The following KIF22 variants were observed in gnomAD, a reference collection of about 807,000 sequenced individuals.
KIF22 encodes kinesin-like protein KIF22.
KIF22 carries 62 observed loss-of-function variants against 73.0 expected under a neutral mutation model. That is an observed-to-expected ratio of 0.85 (90% CI 0.69 to 1.05). The LOEUF (loss-of-function observed/expected upper bound fraction) is 1.05. KIF22 is among the 50% of genes least tolerant of loss of function. The pLI is 0.00. For synonymous variants in KIF22, 411 were observed against 340.1 expected, an observed-to-expected ratio of 1.21 and a Z score of -2.29; for missense variants, 854 against 870.1, an observed-to-expected ratio of 0.98 and a Z score of 0.23.
In KIF22 at chr16:29,798,805, C is replaced by A; in HGVS notation, c.549+58C>A. ...CAAAGGGTCAAAGTAAGACCTGGTT[C>A]TAGAACATGAAGCTCTGCTGTAGCA... On this transcript the variant is annotated intron_variant, in intron 4 of 13. Coordinates refer to ENST00000160827, the MANE Select transcript of KIF22 (RefSeq NM_007317.3). This position sits in a 1 kb window ranked among gnomAD's most constrained non-coding sequence, Gnocchi z 4.1. The A allele has an allele frequency of 6.3e-7, 1 of 1,588,482 alleles. No homozygotes were observed. Among genetic ancestry groups the A allele is most frequent in the East Asian group, 2.2e-5 (1 of 44,666 alleles).
chr16:29,799,214 G>A (rs1899039459), intron 5 of KIF22, 30 bp downstream of exon 5: 1 of 1,610,694 alleles, frequency 6.2e-7, no homozygotes, highest in Non-Finnish European at 8.5e-7. Flanking sequence ...CGAGGACCTG[G>A]GAAGCCCAGG....
chr16:29,803,430 C>T lies in KIF22; in HGVS notation c.1450-19C>T. ...CTGGAGTTGGGTCTGGATCACATCT[C>T]CCTGATCCTTTCCAACAGAGGCTTA... On this transcript the variant is annotated intron_variant, in intron 9 of 13. Coordinates refer to ENST00000160827, the MANE Select transcript of KIF22 (RefSeq NM_007317.3). 1 of 1,613,692 alleles carries T rather than the reference C, an allele frequency of 6.2e-7. No individual in the cohort carries two copies. Among genetic ancestry groups the T allele is most frequent in the Non-Finnish European group, 8.5e-7 (1 of 1,179,834 alleles).
At chr16:29,800,617 T>C (rs1238078914) in intron 8 of KIF22, among the ~76,000 whole-genome samples, 1 of 151,856 alleles carries the variant, frequency 6.6e-6, no homozygotes, top group Non-Finnish European at 1.5e-5. Context: ...ATACAAAAAT[T>C]AGCCAGGCAT....
chr16:29,799,932 G>C lies in KIF22; in HGVS notation c.1164G>C (p.Leu388=), dbSNP rs1368717911. Residue 388 remains leucine (L), a synonymous_variant, in exon 8 of 14, where the codon CTG becomes CTC. Coordinates refer to ENST00000160827, the MANE Select transcript of KIF22 (RefSeq NM_007317.3). Reference sequence around the variant, plus strand: ...ATCTAGCCTTGGGACCTGTTAAGCTGTCTCAGAAAGAATTGCTTGGTCCAC... The same window carrying C: ...ATCTAGCCTTGGGACCTGTTAAGCTCTCTCAGAAAGAATTGCTTGGTCCAC... ...LQPHALGPVK[L]SQKELLGPPE... is the part of the protein sequence containing the mutation. The C allele has an allele frequency of 1.9e-6, 3 of 1,614,064 alleles. No individual in the cohort carries two copies. The highest frequency in any genetic ancestry group is 2.5e-6 in the Non-Finnish European group (3 of 1,180,038).
intron 11 of KIF22, 102 bp downstream of exon 11, chr16:29,804,167 G>C (rs902306279): frequency 6.6e-6 from 6 of 905,016 alleles, no homozygotes; most frequent in South Asian, 2.6e-5. Context: ...CGAACTGGAT[G>C]ATGGCCGCCA....
In KIF22 at chr16:29,798,285, T is replaced by G; in HGVS notation, c.267-89T>G. 6.7e-7 allele frequency: 1 copy of G among 1,498,088 alleles called. No individual in the cohort carries two copies. The highest frequency in any genetic ancestry group is 9.0e-7 in the Non-Finnish European group (1 of 1,114,168). 92.8% of individuals were successfully genotyped at this position (1,498,088 alleles called of 1,614,324 possible). A position where few individuals can be genotyped will look rare whatever the true frequency, so the allele number is the denominator to read the frequency against. ...AAGGTCCAGATGAGAGTAGAATCCC[T>G]TACCCACCCCCACCCCACTCCACCC... On this transcript the variant is annotated intron_variant, in intron 2 of 13. Transcript: ENST00000160827. This position sits in a 1 kb window ranked among gnomAD's most constrained non-coding sequence, Gnocchi z 4.1.
intron 9 of KIF22, 81 bp from the exon 10 acceptor site, chr16:29,803,368 C>T (rs1438244649): frequency 6.5e-7 from 1 of 1,547,748 alleles, no homozygotes; most frequent in East Asian, 2.2e-5. Context: ...CAGAGCCTTG[C>T]ATACTCACCC....
At chr16:29,792,218 A>T (rs1898837384) in intron 1 of KIF22, among the ~76,000 whole-genome samples, 2 of 152,200 alleles carry the variant, frequency 1.3e-5, no homozygotes, top group East Asian at 1.9e-4. Flanking sequence ...AGAAGAGTGA[A>T]TGAAATTTAG....
At chr16:29,804,631 T>C (rs1393132551) in intron 11 of KIF22, 183 bp from the exon 12 acceptor site, 5 of 700,502 alleles carry the variant, frequency 7.1e-6, no homozygotes, top group Middle Eastern at 2.3e-4. Context: ...GTACCTCTCT[T>C]TCACTAGTTG....
chr16:29,803,322 A>G (rs1899207019), intron 9 of KIF22, 127 bp from the exon 10 acceptor site: 1 of 1,094,240 alleles, frequency 9.1e-7, no homozygotes, highest in Non-Finnish European at 1.3e-6. Flanking sequence ...TCTCCTGGTA[A>G]CCTCCCACTG....
rs1899185489 is a variant in KIF22 at position 29,802,772 on chromosome 16, C to A, written c.1284C>A (p.Pro428=). The A allele has an allele frequency of 3.2e-6, 5 of 1,568,624 alleles. No homozygotes were observed. The South Asian group carries it at 3.6e-5, about 11-fold the overall frequency. ...AGCAACTTCTTTTTCTGCTCAGCCC[C>A]CTACAGAAGCTAAGCAGCATGGACC... ...APASASQKLS[P]LQKLSSMDPA... is the part of the protein sequence containing the mutation. Residue 428 remains proline, a synonymous_variant, in exon 9 of 14, where the codon CCC becomes CCA. Transcript: ENST00000160827.
Position 29,797,031 on chromosome 16 carries a change from A to G in KIF22, c.209A>G (p.Asp70Gly). Residue 70 changes from aspartate (D) to glycine (G), a missense_variant, in exon 2 of 14, where the codon GAC becomes GGC. Asp to Gly is a moderately conservative substitution (Grantham distance 94). Transcript: ENST00000160827. The surrounding 1 kb of genome is among the most constrained non-coding windows in gnomAD (Gnocchi z 4.1). Reference protein sequence around the residue: ...ASDPPCVRGMDSCSLEIANWR... With the variant: ...ASDPPCVRGMGSCSLEIANWR... ...GATCCCCCCTGTGTGCGGGGCATGG[A>G]CAGCTGCTCTCTAGAGATTGCTAAC... The G allele has an allele frequency of 6.2e-7, 1 of 1,612,542 alleles. No homozygotes were observed. The highest frequency in any genetic ancestry group is 8.5e-7 in the Non-Finnish European group (1 of 1,179,072).
intron 8 of KIF22, 149 bp downstream of exon 8, chr16:29,800,197 G>A (rs1899090474): frequency 5.5e-6 from 5 of 914,824 alleles, no homozygotes; most frequent in East Asian, 2.7e-5. Context: ...GCTCACTCCT[G>A]TAACCCCAGC....
At chr16:29,804,130 G>A in intron 11 of KIF22, 65 bp downstream of exon 11, 2 of 1,347,734 alleles carry the variant, frequency 1.5e-6, no homozygotes, top group Non-Finnish European at 2.1e-6. Flanking sequence ...AGGCTCTAGG[G>A]GGAGGAGCGT....
chr16:29,798,182 G>T lies in KIF22; in HGVS notation c.267-192G>T, dbSNP rs1373422115. 6.6e-6 allele frequency among the ~76,000 whole-genome samples: 1 copy of T among 152,162 alleles called. No individual in the cohort carries two copies. Among genetic ancestry groups the T allele is most frequent in the African/African-American group, 2.4e-5 (1 of 41,426 alleles). ...GTATTCCTAACACCAATAGAGAGAT[G>T]AGGATGGAGTAGGTGTTAGGTGGAT... On this transcript the variant is annotated intron_variant, in intron 2 of 13. Transcript: ENST00000160827. The surrounding 1 kb of genome is among the most constrained non-coding windows in gnomAD (Gnocchi z 4.1).
Position 29,803,536 on chromosome 16 carries a change from C to CG in KIF22, c.1539dup (p.Pro514AlafsTer41). ...GGAGAACCATTGTCCCACAATGCTC[C>CG]GGCCCCTTTCACATCGCACAGTCAC... On this transcript the variant is annotated frameshift_variant, in exon 10 of 14. Coordinates refer to ENST00000160827, the MANE Select transcript of KIF22 (RefSeq NM_007317.3). LOFTEE classifies it high-confidence loss of function. 6.2e-7 allele frequency: 1 copy of CG among 1,614,048 alleles called. No homozygotes were observed. The highest frequency in any genetic ancestry group is 1.3e-5 in the African/African-American group (1 of 75,072).
Position 29,798,272 on chromosome 16 carries a change from A to C in KIF22, c.267-102A>C. On this transcript the variant is annotated intron_variant, in intron 2 of 13. Coordinates refer to ENST00000160827, the MANE Select transcript of KIF22 (RefSeq NM_007317.3). The surrounding 1 kb of genome is among the most constrained non-coding windows in gnomAD (Gnocchi z 4.1). ...TTCTCTTAAATCCAAGGTCCAGATGAGAGTAGAATCCCTTACCCACCCCCA... is the reference window on the plus strand; with the variant it reads ...TTCTCTTAAATCCAAGGTCCAGATGCGAGTAGAATCCCTTACCCACCCCCA... 1 of 1,535,152 alleles carries C rather than the reference A, an allele frequency of 6.5e-7. No homozygotes were observed. Among genetic ancestry groups the C allele is most frequent in the Non-Finnish European group, 8.7e-7 (1 of 1,146,550 alleles).
chr16:29,802,877 C>G lies in KIF22; in HGVS notation c.1389C>G (p.Thr463=), dbSNP rs1475333630. ...GCCAGGGGGCCCCTCTGTTGAGTAC[C>G]CCAAAGCGAGAGCGGATGGTGCTAA... The part of the protein sequence containing the change: ...QGSQGAPLLS[T]PKRERMVLMK... The change falls in exon 9 of 14, where the codon ACC becomes ACG. Residue 463 remains threonine (T), a synonymous_variant. Coordinates refer to ENST00000160827, the MANE Select transcript of KIF22 (RefSeq NM_007317.3). 3 of 1,612,068 alleles carry G rather than the reference C, an allele frequency of 1.9e-6. No individual in the cohort carries two copies. The highest frequency in any genetic ancestry group is 2.5e-6 in the Non-Finnish European group (3 of 1,179,322).
At position 29,803,499 on chromosome 16, in the gene KIF22, G is replaced by T; in HGVS notation, c.1500G>T (p.Lys500Asn). ...TGGAGGCCAAGATGTTGGCCCAGAA[G>T]GCTGAGGAAAAGGAGAACCATTGTC... ...KELEAKMLAQ[K>N]AEEKENHCPT... is the part of the protein sequence containing the mutation. The change falls in exon 10 of 14, where the codon AAG (lysine) becomes AAT (asparagine). Residue 500 changes from lysine to asparagine, a missense_variant. Lys to Asn is a moderately conservative substitution (Grantham distance 94). Around this residue, in one of 3 missense-constraint regions of KIF22, gnomAD observed 423 missense variants for 365.4 expected, o/e 1.16. Transcript: ENST00000160827. 1.2e-6 allele frequency: 2 copies of T among 1,614,226 alleles called. No homozygotes were observed. Among genetic ancestry groups the T allele is most frequent in the Middle Eastern group, 1.6e-4 (1 of 6,062 alleles).
Sources: allele counts gnomAD v4.1 joint callset (sites outside exome capture counted in the v4.1 genomes callset), GRCh38; gene constraint gnomAD v4.1.1; regional missense constraint gnomAD v4.1.1; non-coding constraint Gnocchi (gnomAD v3.1); transcripts MANE v1.5; gene names NCBI Gene and HGNC (gene_info 2026-07-23, HGNC 2026-07-21).